The following PTPN13 variants were observed in gnomAD, a reference collection of about 807,000 sequenced individuals.
PTPN13 encodes tyrosine-protein phosphatase non-receptor type 13.
Under a neutral mutation model 284.0 loss-of-function variants are expected in PTPN13, and 191 were observed. The observed-to-expected ratio is 0.67, with a 90% CI of 0.60 to 0.76. The LOEUF is 0.76. PTPN13 is among the 30% of genes least tolerant of loss of function. The pLI, the probability that PTPN13 is intolerant of heterozygous loss-of-function variation, is 0.00. For synonymous variants in PTPN13, 986 were observed against 1,022.3 expected (o/e 0.96, Z 0.68); for missense variants, 2,797 against 2,939.9 (o/e 0.95, Z 1.12).
At chr4:86,651,309 A>G (rs1725047283) in intron 2 of PTPN13, among the ~76,000 whole-genome samples, 1 of 152,152 alleles carries the variant, frequency 6.6e-6, no homozygotes, top group African/African-American at 2.4e-5. Flanking sequence ...TGTTTAATTC[A>G]GATTGCTAGT....
rs376945656 is a variant in PTPN13 at position 86,701,600 on chromosome 4, C to T, written c.994C>T (p.Arg332Trp). The part of the protein sequence containing the change: ...RRCHPEAVTV[R>W]TSTTPRKKEA... ...TTGTCACCCTGAGGCAGTAACAGTG[C>T]GGACTTCAACTACTCCTAGAAAAAA... The change falls in exon 7 of 48, where the codon CGG (arginine) becomes TGG (tryptophan). Residue 332 changes from arginine to tryptophan, a missense_variant. Physicochemically the swap from Arg to Trp is moderately radical, Grantham distance 101. Coordinates refer to ENST00000411767, the MANE Select transcript of PTPN13 (RefSeq NM_080683.3). 1.1e-5 allele frequency: 17 copies of T among 1,613,818 alleles called. No homozygotes were observed. The highest frequency in any genetic ancestry group is 7.7e-5 in the South Asian group (7 of 91,074).
rs771764889 is a variant in PTPN13 at position 86,803,797 on chromosome 4, A to G, written c.6594A>G (p.Lys2198=). The G allele has an allele frequency of 3.1e-6, 5 of 1,613,956 alleles. No individual in the cohort carries two copies. The highest frequency in any genetic ancestry group is 1.7e-5 in the Admixed American group (1 of 60,010). The change falls in exon 43 of 48, where the codon AAA becomes AAG. Residue 2198 remains lysine, a synonymous_variant. Transcript: ENST00000411767. ...GTAAATACACGGGTGCCAACTTAAA[A>G]TCAGTCATTCGAGTCCTGCGGGGTT... ...PSGKYTGANL[K]SVIRVLRGLL...
Position 86,799,153 on chromosome 4 carries a change from G to A in PTPN13, c.6454G>A (p.Gly2152Arg). Residue 2152 changes from glycine (G) to arginine (R), a missense_variant, in exon 42 of 48, where the codon GGA (glycine) becomes AGA (arginine). Coordinates refer to ENST00000411767, the MANE Select transcript of PTPN13 (RefSeq NM_080683.3). ...KKTDDDEITW[G>R]NDELPIERTN... is the part of the protein sequence containing the mutation. ...GACTGATGATGATGAAATAACATGG[G>A]GAAATGATGAGTTGCCAATAGAGAG... 1.3e-6 allele frequency: 2 copies of A among 1,593,698 alleles called. No individual in the cohort carries two copies. Among genetic ancestry groups the A allele is most frequent in the African/African-American group, 1.3e-5 (1 of 74,380 alleles).
Position 86,753,006 on chromosome 4 carries a change from C to G in PTPN13, c.3167-3C>G. 1 of 1,598,928 alleles carries G rather than the reference C, an allele frequency of 6.3e-7. No homozygotes were observed. Among genetic ancestry groups the G allele is most frequent in the Non-Finnish European group, 8.6e-7 (1 of 1,169,168 alleles). On this transcript the variant is annotated splice_region_variant and splice_polypyrimidine_tract_variant and intron_variant, in intron 19 of 47. Coordinates refer to ENST00000411767, the MANE Select transcript of PTPN13 (RefSeq NM_080683.3). ...AATGTCTAATATTTAATTTATGCCA[C>G]AGGAATGACTATGCATAGTTCTGGA...
At chr4:86,780,274 C>T in intron 35 of PTPN13, 128 bp from the exon 36 acceptor site, 3 of 722,030 alleles carry the variant, frequency 4.2e-6, no homozygotes, top group South Asian at 3.2e-5. Flanking sequence ...GTGGCACATG[C>T]CTGTGGTCCC....
intron 22 of PTPN13, 73 bp from the exon 23 acceptor site, chr4:86,758,869 A>G (rs1738327667): frequency 1.3e-6 from 2 of 1,584,308 alleles, no homozygotes; most frequent in Non-Finnish European, 1.7e-6. Context: ...TAATTGAGAA[A>G]GAGATGATAT....
In PTPN13 at chr4:86,803,720, C is replaced by T. The variant is rs1475079173; in HGVS notation, c.6517C>T (p.Leu2173=). Residue 2173 remains leucine (L), a synonymous_variant, in exon 43 of 48, where the codon CTG becomes TTG. Transcript: ENST00000411767. ...TGTCTTCCTATTAGATCATTCCTTT[C>T]TGACAAACGATGAGCTCGCTGTACT... ...HEDSDKDHSF[L]TNDELAVLPV... 1 of 1,613,478 alleles carries T rather than the reference C, an allele frequency of 6.2e-7. No individual in the cohort carries two copies. Among genetic ancestry groups the T allele is most frequent in the Admixed American group, 1.7e-5 (1 of 59,990 alleles).
intron 1 of PTPN13, among the ~76,000 whole-genome samples, chr4:86,622,246 T>C (rs942218263): frequency 6.6e-6 from 1 of 152,170 alleles, no homozygotes; most frequent in Admixed American, 6.5e-5. Flanking sequence ...AGTGTGAACA[T>C]AAATTATCAA....
chr4:86,635,566 A>G (rs907764319), intron 2 of PTPN13, among the ~76,000 whole-genome samples, 195 bp downstream of exon 2: 1 of 152,200 alleles, frequency 6.6e-6, no homozygotes, highest in Non-Finnish European at 1.5e-5. Context: ...AATATCTTCT[A>G]TGTGCCCAAT....
chr4:86,734,710 G>C, intron 13 of PTPN13, 27 bp from the exon 14 acceptor site: 1 of 1,590,048 alleles, frequency 6.3e-7, no homozygotes, highest in South Asian at 1.1e-5. Flanking sequence ...CAAAGGCCAA[G>C]ATGTCTGTGT....
Position 86,775,216 on chromosome 4 carries a change from A to C in PTPN13, c.5554A>C (p.Asn1852His), listed in dbSNP as rs1335900427. ...TAATATGACTCATACAGATGCAGTT[A>C]ATCTGCTCCGGGCTGCATCCAAAAC... ...VTNMTHTDAV[N>H]LLRAASKTVR... The change falls in exon 34 of 48, where the codon AAT becomes CAT. Residue 1852 changes from asparagine (N) to histidine (H), a missense_variant. Physicochemically the swap from Asn to His is moderately conservative, Grantham distance 68 (BLOSUM62 1). Coordinates refer to ENST00000411767, the MANE Select transcript of PTPN13 (RefSeq NM_080683.3). 4 of 1,613,184 alleles carry C rather than the reference A, an allele frequency of 2.5e-6. No individual in the cohort carries two copies. The South Asian group carries it at 4.4e-5, about 18-fold the overall frequency.
chr4:86,696,492 CAAT>C lies in PTPN13; in HGVS notation c.634+2821_634+2823del, dbSNP rs1730609530. Reference sequence around the variant, plus strand: ...TTATTGGACCATTTTCTTATTATAACAATAAAAACATCAGAAATTTTAATCCAG... The same window carrying C: ...TTATTGGACCATTTTCTTATTATAACAAAAACATCAGAAATTTTAATCCAG... On this transcript the variant is annotated intron_variant, in intron 6 of 47. Coordinates refer to ENST00000411767, the MANE Select transcript of PTPN13 (RefSeq NM_080683.3). Among the ~76,000 whole-genome samples the C allele has an allele frequency of 2.0e-5, 3 of 151,768 alleles. No homozygotes were observed. In the South Asian group the frequency reaches 6.2e-4, roughly 32 times the overall value.
chr4:86,633,403 C>T (rs1009432706), intron 1 of PTPN13, among the ~76,000 whole-genome samples: 1 of 152,222 alleles, frequency 6.6e-6, no homozygotes, highest in African/African-American at 2.4e-5. Flanking sequence ...TTAGGCACTG[C>T]CTGATGTGCC....
Position 86,764,634 on chromosome 4 carries a change from TA to T in PTPN13, c.4063del (p.Thr1355LeufsTer26). 1 of 1,571,836 alleles carries T rather than the reference TA, an allele frequency of 6.4e-7. No individual in the cohort carries two copies. The highest frequency in any genetic ancestry group is 2.3e-5 in the East Asian group (1 of 43,394). On this transcript the variant is annotated frameshift_variant, in exon 25 of 48. Transcript: ENST00000411767. LOFTEE classifies it high-confidence loss of function. ...TGAATACATCCAACAAGATGAATTT[TA>T]AAACTTTTTCTTCATCACCTCCTAA... ...SVNTSNKMNF[K>X]TFSSSPPKPG...
Position 86,694,977 on chromosome 4 carries a change from A to G in PTPN13, c.634+1303A>G, listed in dbSNP as rs538718475. 2.0e-5 allele frequency among the ~76,000 whole-genome samples: 3 copies of G among 152,316 alleles called. No homozygotes were observed. The South Asian group carries it at 6.2e-4, about 32-fold the overall frequency. ...AAACCTATGAGCAACTCTAATTGTG[A>G]AAAATAAATGTAGACCTTGACTATC... On this transcript the variant is annotated intron_variant, in intron 6 of 47. Transcript: ENST00000411767.
chr4:86,769,785 A>C lies in PTPN13; in HGVS notation c.4506A>C (p.Val1502=), dbSNP rs1304037375. The C allele has an allele frequency of 6.3e-7, 1 of 1,594,426 alleles. No individual in the cohort carries two copies. Among genetic ancestry groups the C allele is most frequent in the Non-Finnish European group, 8.5e-7 (1 of 1,171,526 alleles). ...SFVTEENTFE[V]KLFKNSSGLG... Reference sequence around the variant, plus strand: ...TTTCTCCAGAAAATACATTTGAGGTAAAATTATTTAAAAATAGCTCAGGTC... The same window carrying C: ...TTTCTCCAGAAAATACATTTGAGGTCAAATTATTTAAAAATAGCTCAGGTC... Residue 1502 remains valine, a synonymous_variant, in exon 29 of 48, where the codon GTA becomes GTC. Transcript: ENST00000411767.
In PTPN13 at chr4:86,595,684, C is replaced by G. The variant is rs146261169; in HGVS notation, c.-6+895C>G. The G allele has an allele frequency of 3.8e-4, 354 of 940,974 alleles. No homozygotes were observed. In the African/African-American group the frequency reaches 6.0e-3, roughly 16 times the overall value. The allele number at this position is 940,974 out of a possible 1,614,324, so 58.3% of individuals were successfully genotyped here. A position where few individuals can be genotyped will look rare whatever the true frequency, so the allele number is the denominator to read the frequency against. On this transcript the variant is annotated intron_variant, in intron 1 of 47. Coordinates refer to ENST00000411767, the MANE Select transcript of PTPN13 (RefSeq NM_080683.3). ...ACGCGGTGACTTCATAGGGAGCTGCCTGGAGCTGAGCTCCCTCGCAGAAAA... is the reference window on the plus strand; with the variant it reads ...ACGCGGTGACTTCATAGGGAGCTGCGTGGAGCTGAGCTCCCTCGCAGAAAA...
chr4:86,813,078 C>T (rs1267327488), intron 47 of PTPN13, among the ~76,000 whole-genome samples: 2 of 151,902 alleles, frequency 1.3e-5, no homozygotes, highest in Non-Finnish European at 2.9e-5. Context: ...TACAGATAAG[C>T]AAAAAAGAAA....
intron 30 of PTPN13, 124 bp from the exon 31 acceptor site, chr4:86,771,047 T>A: frequency 5.1e-6 from 5 of 989,834 alleles, no homozygotes; most frequent in Non-Finnish European, 7.2e-6. Flanking sequence ...GAACATAAAT[T>A]ACTTTTATCA....
Sources: gnomAD v4.1 joint callset for allele counts (sites outside exome capture counted in the v4.1 genomes callset) on GRCh38, gnomAD v4.1.1 for gene constraint, MANE v1.5 for transcripts, NCBI Gene and HGNC (gene_info 2026-07-23, HGNC 2026-07-21) for gene names.